Variants in MITD1 observed in about 807,000 individuals in gnomAD.
The protein encoded by MITD1 is MIT domain-containing protein 1.
In MITD1, 24 loss-of-function variants were observed where a neutral mutation model predicts 34.9. That is an observed-to-expected ratio of 0.69 (90% confidence interval 0.50 to 0.97). The LOEUF (loss-of-function observed/expected upper bound fraction) is 0.97. MITD1 is among the 50% of genes least tolerant of loss of function. The pLI is 0.00. For missense variants in MITD1, 266 were observed against 294.6 expected, an observed-to-expected ratio of 0.90 and a Z score of 0.71; for synonymous variants, 102 against 101.4, an observed-to-expected ratio of 1.01 and a Z score of -0.04.
intron 1 of MITD1, among the ~76,000 whole-genome samples, chr2:99,177,179 T>G (rs768878899): frequency 2.0e-5 from 3 of 152,238 alleles, no homozygotes; most frequent in Non-Finnish European, 2.9e-5. Context: ...CTTTAAATTA[T>G]GTAGTAGTTC....
Position 99,173,438 on chromosome 2 carries a change from T to C in MITD1, c.253+477A>G, listed in dbSNP as rs1221667591. The stretch of plus-strand genomic sequence containing the variant: ...CCTGACCTCTAATCATTAGGAATGC[T>C]TAACTCCTGAGGTGTTTTGATTCAC... On this transcript the variant is annotated intron_variant, in intron 2 of 6. Coordinates refer to ENST00000289359, the MANE Select transcript of MITD1 (RefSeq NM_138798.3). The C allele has an allele frequency of 1.1e-5, 5 of 467,986 alleles. No individual in the cohort carries two copies. The East Asian group carries it at 3.5e-4, about 33-fold the overall frequency. The allele number at this position is 467,986 out of a possible 1,614,324, so 29.0% of individuals were successfully genotyped here.
chr2:99,166,486 G>GAAAAAAAAAAAAAAAAA (rs367705088), downstream of MITD1, among the ~76,000 whole-genome samples: 1 of 116,880 alleles, frequency 8.6e-6, no homozygotes. Context: ...GAGGAAATAA[G>GAAAAAAAAAAAAAAAAA]AAAAAAAAAA....
At chr2:99,167,521 G>A (rs530559250), downstream of MITD1, among the ~76,000 whole-genome samples, 2 of 152,254 alleles carry the variant, frequency 1.3e-5, no homozygotes, top group African/African-American at 4.8e-5. Context: ...GATTTTTATA[G>A]AAGTTGGATA....
Position 99,176,089 on chromosome 2 carries a change from C to G in MITD1, c.152-2073G>C, listed in dbSNP as rs2093885070. Among the ~76,000 whole-genome samples the G allele has an allele frequency of 3.9e-5, 6 of 152,218 alleles. No individual in the cohort carries two copies. The South Asian group carries it at 1.2e-3, about 32-fold the overall frequency. On this transcript the variant is annotated intron_variant, in intron 1 of 6. Transcript: ENST00000289359. ...CCAAGTAGCTGAGACTACAGGCACA[C>G]ATTACTATGCCTGGCTAGTTTTTGT...
At chr2:99,166,113 A>G (rs1217615177), downstream of MITD1, among the ~76,000 whole-genome samples, 1 of 151,940 alleles carries the variant, frequency 6.6e-6, no homozygotes, top group East Asian at 1.9e-4. Context: ...TTTTGCTTAT[A>G]TCAGGTAGGA....
At chr2:99,166,897 A>ATATATATATATATATATATAT (rs57394148), downstream of MITD1, among the ~76,000 whole-genome samples, 13 of 130,282 alleles carry the variant, frequency 1.0e-4, no homozygotes, top group Non-Finnish European at 1.6e-4. Flanking sequence ...ATATATATAT[A>ATATATATATATATATATATAT]AATTTTTCAT....
At chr2:99,167,315 AC>A (rs1223378931), downstream of MITD1, among the ~76,000 whole-genome samples, 10 of 152,238 alleles carry the variant, frequency 6.6e-5, no homozygotes, top group South Asian at 4.1e-4. Flanking sequence ...CTTTCTAGTT[AC>A]CCTAATTTTC....
chr2:99,162,037 CA>C (rs1476237971), exon 8 of MITD1: 1 of 1,613,736 alleles, frequency 6.2e-7, no homozygotes, highest in Non-Finnish European at 8.5e-7. Context: ...TTTAAAAAAA[CA>C]GTAAAAAATG....
downstream of MITD1, chr2:99,161,811 A>G: frequency 1.7e-6 from 1 of 602,582 alleles, no homozygotes; most frequent in Non-Finnish European, 2.9e-6. Flanking sequence ...AGCATTGCTA[A>G]AGACTAATTG....
chr2:99,161,756 T>A (rs548547912), downstream of MITD1: 93 of 475,446 alleles, frequency 2.0e-4, 1 homozygote, highest in Middle Eastern at 1.1e-3. Context: ...CAACTGAAAT[T>A]ATTTGAAATT....
rs1405093513 is a variant in MITD1 at position 99,171,384 on chromosome 2, A to G, written c.436T>C (p.Cys146Arg). 1.2e-6 allele frequency: 2 copies of G among 1,612,274 alleles called. No homozygotes were observed. The highest frequency in any genetic ancestry group is 1.1e-5 in the South Asian group (1 of 90,978). Reference protein sequence around the residue: ...RFCEMLIKRPCKVKTIHLLTS... With the variant: ...RFCEMLIKRPRKVKTIHLLTS... ...AGAAGGTGAATAGTTTTTACTTTAC[A>G]TGGTCTCTTAATAAGCATCTCACAA... Residue 146 changes from cysteine to arginine, a missense_variant, in exon 4 of 7, where the codon TGT becomes CGT. Transcript: ENST00000289359.
downstream of MITD1, among the ~76,000 whole-genome samples, chr2:99,167,999 G>A (rs1249798066): frequency 6.6e-6 from 1 of 152,140 alleles, no homozygotes; most frequent in East Asian, 1.9e-4. Flanking sequence ...TGTTCCCATG[G>A]TCTCTACCTT....
chr2:99,177,235 G>C (rs1024464558), intron 1 of MITD1, among the ~76,000 whole-genome samples: 17 of 152,046 alleles, frequency 1.1e-4, no homozygotes, highest in African/African-American at 3.9e-4. Flanking sequence ...CTCACACATA[G>C]ACCCATCCTT....
downstream of MITD1, chr2:99,161,842 A>G (rs780472374): frequency 1.2e-4 from 100 of 868,838 alleles, no homozygotes; most frequent in Non-Finnish European, 1.6e-4. Context: ...AGCCAAAAGC[A>G]ACTGCACTGG....
chr2:99,162,049 G>C, exon 8 of MITD1: 1 of 1,613,818 alleles, frequency 6.2e-7, no homozygotes, highest in Non-Finnish European at 8.5e-7. Flanking sequence ...GTAAAAAATG[G>C]GCTCATTTTA....
At chr2:99,164,197 C>T (rs1008452473) in intron 7 of MITD1, among the ~76,000 whole-genome samples, 2 of 152,138 alleles carry the variant, frequency 1.3e-5, no homozygotes, top group African/African-American at 4.8e-5. Context: ...GGAATGTTTC[C>T]ACTCTTCTCA....
At chr2:99,173,741 CAAAA>C (rs1446658165) in intron 2 of MITD1, 170 bp downstream of exon 2, 1 of 631,264 alleles carries the variant, frequency 1.6e-6, no homozygotes, top group East Asian at 2.8e-5. Flanking sequence ...AACAAACAAA[CAAAA>C]AATTAAGAAC....
Position 99,170,373 on chromosome 2 carries a change from G to GT in MITD1, c.593+163dup, listed in dbSNP as rs1432885994. On this transcript the variant is annotated intron_variant, in intron 5 of 6. Transcript: ENST00000289359. ...CTTACTTTGTCAAAAAGAAAGCCAA[G>GT]TGTTTTTTTTCTTCTCAAAAGTGAA... Among the ~76,000 whole-genome samples, 17 of 151,882 alleles carry GT rather than the reference G, an allele frequency of 1.1e-4. No individual in the cohort carries two copies. The South Asian group carries it at 3.5e-3, about 31-fold the overall frequency.
chr2:99,169,378 T>G lies in MITD1; in HGVS notation c.747A>C (p.Ile249=). Residue 249 remains isoleucine (I), a synonymous_variant, in exon 7 of 7, where the codon ATA becomes ATC. Transcript: ENST00000289359. ...DIFHKKHTKN[I] ...ATACAAATTAGGCTACCACCCATCA[T>G]ATATTTTTTGTATGCTTCTTATGAA... 2.7e-6 allele frequency: 4 copies of G among 1,507,752 alleles called. No individual in the cohort carries two copies. Among genetic ancestry groups the G allele is most frequent in the Non-Finnish European group, 3.7e-6 (4 of 1,090,324 alleles). The allele number at this position is 1,507,752 out of a possible 1,614,324, so 93.4% of individuals were successfully genotyped here. A position where few individuals can be genotyped will look rare whatever the true frequency, so the allele number is the denominator to read the frequency against.
Sources: gnomAD v4.1 joint callset for allele counts (sites outside exome capture counted in the v4.1 genomes callset) on GRCh38, gnomAD v4.1.1 for gene constraint, MANE v1.5 for transcripts, NCBI Gene and HGNC (gene_info 2026-07-23, HGNC 2026-07-21) for gene names.